Variants in ST6GAL1 observed in about 807,000 individuals in gnomAD.
The protein encoded by ST6GAL1 is beta-galactoside alpha-2,6-sialyltransferase 1.
Under a neutral mutation model 38.0 loss-of-function variants are expected in ST6GAL1, and 20 were observed. The ratio of observed to expected loss-of-function variants is 0.53; its 90% confidence interval spans 0.37 to 0.77. The LOEUF is 0.77. Ranked by LOEUF, ST6GAL1 falls within the 30% of genes least tolerant of loss-of-function variation. ST6GAL1 has a pLI of 0.00. For synonymous variants in ST6GAL1, 196 were observed against 188.2 expected, an observed-to-expected ratio of 1.04 and a Z score of -0.34; for missense variants, 432 against 496.4, an observed-to-expected ratio of 0.87 and a Z score of 1.23.
At chr3:187,031,654 C>T (rs998765336) in intron 2 of ST6GAL1, among the ~76,000 whole-genome samples, 20 of 152,160 alleles carry the variant, frequency 1.3e-4, no homozygotes, top group Admixed American at 6.5e-4. Context: ...AGGCTGGTCA[C>T]GGGCTTCTGA....
At chr3:187,071,150 A>G (rs1719356304) in intron 5 of ST6GAL1, among the ~76,000 whole-genome samples, 1 of 152,110 alleles carries the variant, frequency 6.6e-6, no homozygotes, top group Non-Finnish European at 1.5e-5. Context: ...ATGTAGACTG[A>G]GGTGGAGAGG....
In ST6GAL1 at chr3:187,068,273, C is replaced by T. The variant is rs1172826202; in HGVS notation, c.706-4576C>T. On this transcript the variant is annotated intron_variant, in intron 5 of 7. Transcript: ENST00000169298. ...AGGAGAATCACTTGAACCTGGGTGG[C>T]GGAGGTTGCAGTGAGCCAAGATCGT... is the stretch of plus-strand genomic sequence containing the variant. Among the ~76,000 whole-genome samples the T allele has an allele frequency of 9.5e-5, 14 of 148,066 alleles. No homozygotes were observed. The South Asian group carries it at 2.1e-3, about 23-fold the overall frequency.
At chr3:187,024,493 T>TATATATAGAG (rs1275438498) in intron 2 of ST6GAL1, among the ~76,000 whole-genome samples, 4 of 85,800 alleles carry the variant, frequency 4.7e-5, no homozygotes, top group African/African-American at 1.6e-4. Flanking sequence ...TATATATATA[T>TATATATAGAG]AGAGAGAGAG....
intron 5 of ST6GAL1, among the ~76,000 whole-genome samples, chr3:187,067,667 G>T (rs1461893964): frequency 6.6e-6 from 1 of 152,110 alleles, no homozygotes; most frequent in Non-Finnish European, 1.5e-5. Flanking sequence ...TTGGATACAG[G>T]AAGACTGAGG....
rs897485620 is a variant in ST6GAL1 at position 186,933,236 on chromosome 3, G to A, written c.-325+2402G>A. On this transcript the variant is annotated intron_variant, in intron 1 of 7. Coordinates refer to ENST00000169298, the MANE Select transcript of ST6GAL1 (RefSeq NM_173216.2). The stretch of plus-strand genomic sequence containing the variant: ...CATCTTTTTTGCATACTCACAAACC[G>A]GTCAGCATGCACTCCCTATTCTGAG... Among the ~76,000 whole-genome samples the A allele has an allele frequency of 2.0e-5, 3 of 152,232 alleles. No homozygotes were observed. The East Asian group carries it at 5.8e-4, about 29-fold the overall frequency.
intron 2 of ST6GAL1, among the ~76,000 whole-genome samples, chr3:186,974,053 C>T (rs1715440849): frequency 6.6e-6 from 1 of 152,198 alleles, no homozygotes; most frequent in Admixed American, 6.5e-5. Context: ...GTGAATGAAC[C>T]ACAGCCTGGG....
At chr3:186,965,219 G>A (rs1250505052) in intron 2 of ST6GAL1, among the ~76,000 whole-genome samples, 3 of 152,158 alleles carry the variant, frequency 2.0e-5, no homozygotes, top group Non-Finnish European at 2.9e-5. Context: ...TCACGAAGTT[G>A]GTCAGAGAAG....
At chr3:186,992,494 A>C (rs1033957937) in intron 2 of ST6GAL1, among the ~76,000 whole-genome samples, 2 of 152,058 alleles carry the variant, frequency 1.3e-5, no homozygotes, top group African/African-American at 4.8e-5. Flanking sequence ...AAAATAAATA[A>C]ATAAATAAAT....
intron 2 of ST6GAL1, among the ~76,000 whole-genome samples, chr3:186,966,866 C>T (rs115883298): frequency 0.025 from 3,775 of 152,264 alleles, 81 homozygotes; most frequent in Admixed American, 0.049. Context: ...GATATGCTTG[C>T]GTTTCCTCTG....
At chr3:186,988,654 T>C (rs946856172) in intron 2 of ST6GAL1, among the ~76,000 whole-genome samples, 1 of 152,024 alleles carries the variant, frequency 6.6e-6, no homozygotes, top group Admixed American at 6.6e-5. Flanking sequence ...GCTCACACTC[T>C]GTAATCCCAG....
intron 2 of ST6GAL1, among the ~76,000 whole-genome samples, chr3:187,001,966 A>C (rs1716633718): frequency 6.6e-6 from 1 of 151,772 alleles, no homozygotes; most frequent in African/African-American, 2.4e-5. Context: ...AAAAAAAAAA[A>C]AAAAACCCAA....
chr3:186,983,484 C>T (rs1262452433), intron 2 of ST6GAL1, among the ~76,000 whole-genome samples: 1 of 151,986 alleles, frequency 6.6e-6, no homozygotes, highest in Non-Finnish European at 1.5e-5. Context: ...TATAGGATTG[C>T]TCTAGGGGCA....
intron 4 of ST6GAL1, among the ~76,000 whole-genome samples, chr3:187,048,630 A>G (rs1288217935): frequency 6.6e-6 from 1 of 152,192 alleles, no homozygotes; most frequent in Non-Finnish European, 1.5e-5. Context: ...GTGCAGTAGA[A>G]TGTAATATCT....
At chr3:186,996,002 C>T (rs902013736) in intron 2 of ST6GAL1, among the ~76,000 whole-genome samples, 4 of 152,166 alleles carry the variant, frequency 2.6e-5, no homozygotes, top group African/African-American at 4.8e-5. Context: ...ATTATCGGTG[C>T]GTGTTTACTC....
chr3:186,973,209 T>C (rs1560147150), intron 2 of ST6GAL1, among the ~76,000 whole-genome samples: 1 of 152,200 alleles, frequency 6.6e-6, no homozygotes, highest in Non-Finnish European at 1.5e-5. Context: ...CTAATTTTTA[T>C]ATTTTTAGTA....
intron 1 of ST6GAL1, among the ~76,000 whole-genome samples, chr3:186,947,530 ATT>A (rs1714413337): frequency 1.3e-5 from 2 of 152,254 alleles, no homozygotes; most frequent in South Asian, 4.1e-4. Flanking sequence ...AAGTAAGTCT[ATT>A]TTATACATTT....
chr3:187,053,473 G>A (rs1004249678), intron 5 of ST6GAL1, among the ~76,000 whole-genome samples: 1 of 152,148 alleles, frequency 6.6e-6, no homozygotes, highest in Non-Finnish European at 1.5e-5. Context: ...ATTAATTTTT[G>A]TGTAAGGTGT....
chr3:187,052,524 A>G (rs1302879631), intron 5 of ST6GAL1, among the ~76,000 whole-genome samples: 1 of 151,836 alleles, frequency 6.6e-6, no homozygotes, highest in Non-Finnish European at 1.5e-5. Context: ...TTCAACTCCC[A>G]CCTGTGAGTG....
rs140915195 is a variant in ST6GAL1, at chr3:186,964,310, G to A, written c.-183+384G>A. ...ACGCACACACACACGCGCGTGCCAC[G>A]CTCTCTCTCTTTCAACCCAAGGGTG... On this transcript the variant is annotated intron_variant, in intron 2 of 7. Coordinates refer to ENST00000169298, the MANE Select transcript of ST6GAL1 (RefSeq NM_173216.2). 974 of 152,158 alleles carry A rather than the reference G, an allele frequency of 6.4e-3. 10 individuals are homozygous for A. The highest frequency in any genetic ancestry group is 7.0e-3 in the Non-Finnish European group (476 of 68,012). The allele number at this position is 152,158 out of a possible 1,614,324, so 9.4% of individuals were successfully genotyped here.
Sources: allele counts gnomAD v4.1 joint callset (sites outside exome capture counted in the v4.1 genomes callset), GRCh38; gene constraint gnomAD v4.1.1; transcripts MANE v1.5; gene names NCBI Gene and HGNC (gene_info 2026-07-23, HGNC 2026-07-21).